NVL: variants seen among roughly 807,000 people sequenced by gnomAD.
NVL encodes nuclear VCP like, also known as nuclear valosin-containing protein-like.
A neutral mutation model predicts 110.2 loss-of-function variants in NVL; 84 were observed. That is an observed-to-expected ratio of 0.76 (90% CI 0.64 to 0.91). The LOEUF is 0.91. NVL is among the 40% of genes least tolerant of loss of function. The pLI is 0.00. For synonymous variants in NVL, 354 were observed against 361.1 expected, an observed-to-expected ratio of 0.98 and a Z score of 0.22; for missense variants, 882 against 1,035.9, an observed-to-expected ratio of 0.85 and a Z score of 2.04.
chr1:224,233,175 T>C (rs757812099), intron 21 of NVL, 26 bp downstream of exon 21: 25 of 1,584,772 alleles, frequency 1.6e-5, no homozygotes, highest in Non-Finnish European at 2.0e-5. Flanking sequence ...ATAATTAGAA[T>C]TGAGAGATTC....
chr1:224,316,674 A>G (rs912756460), intron 4 of NVL, among the ~76,000 whole-genome samples: 2 of 150,966 alleles, frequency 1.3e-5, no homozygotes, highest in African/African-American at 4.9e-5. Flanking sequence ...AAAAAAAAAA[A>G]AAAAGAAAAA....
At chr1:224,293,509 A>G (rs891104764) in intron 12 of NVL, among the ~76,000 whole-genome samples, 7 of 152,242 alleles carry the variant, frequency 4.6e-5, no homozygotes, top group Non-Finnish European at 1.0e-4. Context: ...AATTACCAGG[A>G]AAGGCTGGTA....
intron 15 of NVL, among the ~76,000 whole-genome samples, chr1:224,284,162 A>G (rs1666638240): frequency 6.6e-6 from 1 of 152,132 alleles, no homozygotes; most frequent in African/African-American, 2.4e-5. Flanking sequence ...AAAGACAGAA[A>G]TTTGCCCACA....
At chr1:224,277,920 C>T (rs933173104) in intron 16 of NVL, among the ~76,000 whole-genome samples, 1 of 152,182 alleles carries the variant, frequency 6.6e-6, no homozygotes, top group Non-Finnish European at 1.5e-5. Flanking sequence ...TGACCAAGCA[C>T]TTTCGGTCTC....
chr1:224,301,515 T>C (rs1668403876), intron 9 of NVL, among the ~76,000 whole-genome samples: 1 of 151,944 alleles, frequency 6.6e-6, no homozygotes, highest in African/African-American at 2.4e-5. Context: ...GAGTAGCCAG[T>C]TACTAGTCAG....
chr1:224,283,738 C>T (rs1195306264), intron 15 of NVL, among the ~76,000 whole-genome samples: 1 of 152,208 alleles, frequency 6.6e-6, no homozygotes, highest in Admixed American at 6.5e-5. Flanking sequence ...AGAATTCACA[C>T]ACCAGCATGC....
chr1:224,277,249 T>C (rs768668119), intron 16 of NVL, among the ~76,000 whole-genome samples: 1 of 152,232 alleles, frequency 6.6e-6, no homozygotes, highest in Non-Finnish European at 1.5e-5. Context: ...CAGATTTTTC[T>C]GTCATAACAT....
At chr1:224,318,759 G>A (rs950248818) in intron 2 of NVL, among the ~76,000 whole-genome samples, 1 of 151,718 alleles carries the variant, frequency 6.6e-6, no homozygotes, top group East Asian at 1.9e-4. Context: ...TGAGGTGGGA[G>A]GATCATGAGG....
At chr1:224,255,691 T>C (rs916275341) in intron 18 of NVL, among the ~76,000 whole-genome samples, 6 of 152,214 alleles carry the variant, frequency 3.9e-5, no homozygotes, top group African/African-American at 9.6e-5. Context: ...TTTACAGGCG[T>C]GTACCACTGT....
chr1:224,239,309 A>T (rs1660891957), intron 19 of NVL, among the ~76,000 whole-genome samples: 1 of 152,168 alleles, frequency 6.6e-6, no homozygotes, highest in South Asian at 2.1e-4. Context: ...TTAATTTTTT[A>T]AAGTATCTTA....
At position 224,250,450 on chromosome 1, in the gene NVL, G is replaced by T. The variant is rs143856644; in HGVS notation, c.2183-132C>A. 3 of 685,790 alleles carry T rather than the reference G, an allele frequency of 4.4e-6. No individual in the cohort carries two copies. In the South Asian group the frequency reaches 9.1e-5, roughly 21 times the overall value. The allele number at this position is 685,790 out of a possible 1,614,324, so 42.5% of individuals were successfully genotyped here. ...CATGATCTCAGCTCACTGCAGCCTCGACCTCCCAGGCTCAGATGATTCTCC... is the reference window on the plus strand; with the variant it reads ...CATGATCTCAGCTCACTGCAGCCTCTACCTCCCAGGCTCAGATGATTCTCC... On this transcript the variant is annotated intron_variant, in intron 18 of 22. Transcript: ENST00000281701.
chr1:224,276,067 AG>A (rs1665728315), intron 16 of NVL, among the ~76,000 whole-genome samples: 1 of 152,228 alleles, frequency 6.6e-6, no homozygotes, highest in South Asian at 2.1e-4. Context: ...CTATAACATT[AG>A]GACTAAGTAA....
At chr1:224,285,280 C>T (rs1375807730) in intron 15 of NVL, among the ~76,000 whole-genome samples, 3 of 151,900 alleles carry the variant, frequency 2.0e-5, no homozygotes, top group African/African-American at 7.3e-5. Context: ...ACTAAAAATA[C>T]AAAAATTAGC....
At chr1:224,313,108 A>AT in intron 4 of NVL, 1 of 384,560 alleles carries the variant, frequency 2.6e-6, no homozygotes, top group Non-Finnish European at 5.4e-6. Flanking sequence ...GCGGTAAGCC[A>AT]TGATTGTGCC....
At chr1:224,243,359 G>A (rs1179469057) in intron 19 of NVL, among the ~76,000 whole-genome samples, 2 of 151,776 alleles carry the variant, frequency 1.3e-5, no homozygotes, top group African/African-American at 4.8e-5. Context: ...TACTCAGGGA[G>A]CAGAGGCGGG....
rs35936427 is a variant in NVL, at chr1:224,238,186, A to ACCAC, written c.2290-1605_2290-1604insGTGG. On this transcript the variant is annotated intron_variant, in intron 19 of 22. Transcript: ENST00000281701. ...GTAGCTGGGACTATAGGCACCCACC[A>ACCAC]CACACCTGGCTAATTTTTGTATTTT... is the stretch of plus-strand genomic sequence containing the variant. Among the ~76,000 whole-genome samples the ACCAC allele has an allele frequency of 2.6e-3, 391 of 151,860 alleles. 5 individuals are homozygous for ACCAC. Among genetic ancestry groups the ACCAC allele is most frequent in the African/African-American group, 8.5e-3 (350 of 41,418 alleles).
intron 17 of NVL, among the ~76,000 whole-genome samples, chr1:224,272,359 A>T (rs1665214785): frequency 6.6e-6 from 1 of 152,002 alleles, no homozygotes; most frequent in South Asian, 2.1e-4. Context: ...AAAAAAATCA[A>T]ATAAAAAGAA....
chr1:224,303,683 A>G (rs1210678555), intron 9 of NVL, 40 bp downstream of exon 9: 18 of 1,590,524 alleles, frequency 1.1e-5, no homozygotes, highest in Non-Finnish European at 1.5e-5. Flanking sequence ...AATAATAACA[A>G]CAAAAACAGC....
intron 1 of NVL, among the ~76,000 whole-genome samples, chr1:224,328,092 T>G (rs1671317301): frequency 6.6e-6 from 1 of 152,132 alleles, no homozygotes; most frequent in Non-Finnish European, 1.5e-5. Context: ...TTAGTTATAC[T>G]TTAAGTTCTG....
Sources: gnomAD v4.1 joint callset for allele counts (sites outside exome capture counted in the v4.1 genomes callset) on GRCh38, gnomAD v4.1.1 for gene constraint, MANE v1.5 for transcripts, NCBI Gene and HGNC (gene_info 2026-07-23, HGNC 2026-07-21) for gene names.